Variants in RFX3 observed in about 807,000 individuals in gnomAD.
RFX3 encodes transcription factor RFX3.
A neutral mutation model predicts 98.6 loss-of-function variants in RFX3; 14 were observed. The observed-to-expected ratio is 0.14, with a 90% CI of 0.09 to 0.22. RFX3 has a LOEUF of 0.22. Ranked by LOEUF, RFX3 falls within the 10% of genes least tolerant of loss-of-function variation. The pLI, the probability that RFX3 is intolerant of heterozygous loss-of-function variation, is 1.00. For synonymous variants in RFX3, 383 were observed against 328.4 expected, an observed-to-expected ratio of 1.17 and a Z score of -1.80; for missense variants, 639 against 926.9, an observed-to-expected ratio of 0.69 and a Z score of 4.03.
At chr9:3,465,458 CTT>C (rs34093115) in intron 1 of RFX3, among the ~76,000 whole-genome samples, 1 of 129,682 alleles carries the variant, frequency 7.7e-6, no homozygotes, top group Admixed American at 8.1e-5. Context: ...GCCCAGGTAA[CTT>C]TTTTTTTTTT....
intron 13 of RFX3, among the ~76,000 whole-genome samples, chr9:3,262,589 T>G (rs1029353265): frequency 6.6e-6 from 1 of 152,208 alleles, no homozygotes; most frequent in African/African-American, 2.4e-5. Flanking sequence ...CCTAGAGCAG[T>G]TAAGTAACGC....
intron 1 of RFX3, among the ~76,000 whole-genome samples, chr9:3,458,575 T>C (rs965465668): frequency 1.3e-5 from 2 of 152,158 alleles, no homozygotes; most frequent in African/African-American, 4.8e-5. Flanking sequence ...ACACCTGTTT[T>C]ATGACCCCCG....
intron 1 of RFX3, among the ~76,000 whole-genome samples, chr9:3,395,988 G>A (rs1244460473): frequency 6.6e-6 from 1 of 151,518 alleles, no homozygotes; most frequent in African/African-American, 2.4e-5. Flanking sequence ...CTACTTTCTT[G>A]ACACTTTTAT....
chr9:3,362,773 A>G (rs1836604562), intron 2 of RFX3, among the ~76,000 whole-genome samples: 1 of 152,182 alleles, frequency 6.6e-6, no homozygotes, highest in Non-Finnish European at 1.5e-5. Flanking sequence ...TAGTTCAATA[A>G]ATCATCCCTA....
At chr9:3,391,680 G>T (rs2131866522) in intron 2 of RFX3, among the ~76,000 whole-genome samples, 1 of 152,184 alleles carries the variant, frequency 6.6e-6, no homozygotes, top group Middle Eastern at 3.4e-3. Context: ...GGTGGTGAGG[G>T]TGTGTATGTA....
At chr9:3,465,460 T>A (rs1276208606) in intron 1 of RFX3, among the ~76,000 whole-genome samples, 81 of 147,498 alleles carry the variant, frequency 5.5e-4, no homozygotes, top group African/African-American at 2.0e-3. Flanking sequence ...CCAGGTAACT[T>A]TTTTTTTTTT....
chr9:3,435,168 T>A (rs1044895608), intron 1 of RFX3, among the ~76,000 whole-genome samples: 83 of 152,188 alleles, frequency 5.5e-4, no homozygotes, highest in African/African-American at 2.0e-3. Flanking sequence ...ATAGACTTTA[T>A]AAACACTGTA....
chr9:3,235,263 A>G (rs1818984039), intron 15 of RFX3, among the ~76,000 whole-genome samples: 1 of 152,340 alleles, frequency 6.6e-6, no homozygotes, highest in South Asian at 2.1e-4. Context: ...TCCATAGGTA[A>G]AAGCAAATAG....
intron 1 of RFX3, among the ~76,000 whole-genome samples, chr9:3,516,480 C>T (rs996806117): frequency 5.3e-5 from 8 of 152,154 alleles, no homozygotes; most frequent in African/African-American, 1.9e-4. Context: ...AAAGCAGTAA[C>T]TATTACCGAT....
chr9:3,231,272 A>C (rs1465905936), intron 15 of RFX3, among the ~76,000 whole-genome samples: 1 of 152,178 alleles, frequency 6.6e-6, no homozygotes, highest in African/African-American at 2.4e-5. Context: ...AGATTTTACT[A>C]TCCTATAGAG....
chr9:3,409,531 T>C (rs940068742), intron 1 of RFX3, among the ~76,000 whole-genome samples: 3 of 152,244 alleles, frequency 2.0e-5, no homozygotes, highest in Non-Finnish European at 4.4e-5. Flanking sequence ...GCAGCTATTC[T>C]ATGCAGCATC....
At chr9:3,302,522 C>T (rs749137640) in intron 4 of RFX3, among the ~76,000 whole-genome samples, 4 of 149,516 alleles carry the variant, frequency 2.7e-5, no homozygotes, top group African/African-American at 9.8e-5. Flanking sequence ...ACAATATTAG[C>T]TAAATTCAAA....
intron 1 of RFX3, among the ~76,000 whole-genome samples, chr9:3,521,056 G>GT (rs1263365193): frequency 5.9e-5 from 9 of 151,900 alleles, no homozygotes; most frequent in Admixed American, 1.3e-4. Context: ...TTTTCCAGTG[G>GT]TTTTTTTAAA....
chr9:3,253,925 A>T (rs1438062734), intron 14 of RFX3, among the ~76,000 whole-genome samples: 1 of 152,176 alleles, frequency 6.6e-6, no homozygotes, highest in Non-Finnish European at 1.5e-5. Context: ...AGTAAAAAAC[A>T]GTTCAGATAT....
chr9:3,408,551 C>T (rs906783278), intron 1 of RFX3, among the ~76,000 whole-genome samples: 1 of 152,046 alleles, frequency 6.6e-6, no homozygotes, highest in Admixed American at 6.6e-5. Context: ...TACTACTTCA[C>T]TATTTCAAAA....
intron 1 of RFX3, among the ~76,000 whole-genome samples, chr9:3,468,673 G>A (rs1281900484): frequency 6.6e-6 from 1 of 151,902 alleles, no homozygotes; most frequent in East Asian, 1.9e-4. Flanking sequence ...ATGTCTTGCA[G>A]CTCCATTTGC....
At chr9:3,466,967 G>C (rs1021653475) in intron 1 of RFX3, among the ~76,000 whole-genome samples, 3 of 148,656 alleles carry the variant, frequency 2.0e-5, no homozygotes, top group Non-Finnish European at 4.5e-5. Context: ...AGCCCAATAA[G>C]AGTTTATGCC....
intron 1 of RFX3, among the ~76,000 whole-genome samples, chr9:3,413,853 A>G (rs987721739): frequency 6.6e-6 from 1 of 152,118 alleles, no homozygotes. Context: ...TAAGTAATAA[A>G]TCAGGAAAAG....
intron 1 of RFX3, among the ~76,000 whole-genome samples, chr9:3,458,608 G>T (rs1038418140): frequency 6.6e-6 from 1 of 152,088 alleles, no homozygotes; most frequent in Non-Finnish European, 1.5e-5. Flanking sequence ...TTTCCTATAG[G>T]TGACAAAGGT....
Sources: allele counts gnomAD v4.1 joint callset (sites outside exome capture counted in the v4.1 genomes callset), GRCh38; gene constraint gnomAD v4.1.1; transcripts MANE v1.5; gene names NCBI Gene and HGNC (gene_info 2026-07-23, HGNC 2026-07-21).